GALNT13: variants seen among roughly 807,000 people sequenced by gnomAD.
The protein encoded by GALNT13 is UDP-GalNAc:polypeptide N-acetylgalactosaminyltransferase 13.
GALNT13 carries 28 observed loss-of-function variants against 64.2 expected under a neutral mutation model. That is an observed-to-expected ratio of 0.44 (90% CI 0.32 to 0.60). The LOEUF (loss-of-function observed/expected upper bound fraction) is 0.60. Among genes scored for constraint, GALNT13 ranks in the 20% least tolerant of loss-of-function variants. The pLI, the probability that GALNT13 is intolerant of heterozygous loss-of-function variation, is 0.05. For missense variants in GALNT13, 577 were observed against 669.8 expected (o/e 0.86, Z 1.53); for synonymous variants, 214 against 224.6 (o/e 0.95, Z 0.42).
chr2:153,317,685 TA>T, the GALNT13 span, among the ~76,000 whole-genome samples: 1 of 152,190 alleles, frequency 6.6e-6, no homozygotes, highest in African/African-American at 2.4e-5. Flanking sequence ...AAACTTTCAG[TA>T]AAGTGTGAAT....
the GALNT13 span, among the ~76,000 whole-genome samples, chr2:153,752,542 A>G: frequency 2.0e-5 from 3 of 152,102 alleles, no homozygotes; most frequent in African/African-American, 7.2e-5. Context: ...TTTGTCCTTC[A>G]GCAGTTTAAA....
At chr2:153,992,946 A>G (rs1695258543) in intron 3 of GALNT13, among the ~76,000 whole-genome samples, 1 of 152,170 alleles carries the variant, frequency 6.6e-6, no homozygotes. Flanking sequence ...TTCTTTCATC[A>G]TTAAAACTTT....
chr2:154,086,501 T>G lies in GALNT13; in HGVS notation c.143-53836T>G, dbSNP rs2105427895. On this transcript the variant is annotated intron_variant, in intron 3 of 12. Transcript: ENST00000392825. ...AAGATATAGGTATGGGCAATTTTGA[T>G]TTTACAAACTTCTTCAGGGTTCTGT... Among the ~76,000 whole-genome samples, 2 of 150,656 alleles carry G rather than the reference T, an allele frequency of 1.3e-5. 1 individual carries two copies. The highest frequency in any genetic ancestry group is 4.2e-4 in the South Asian group (2 of 4,782).
chr2:154,384,268 G>A (rs542946689), intron 9 of GALNT13, among the ~76,000 whole-genome samples: 2 of 151,986 alleles, frequency 1.3e-5, no homozygotes, highest in African/African-American at 2.4e-5. Flanking sequence ...GTGGAGCACT[G>A]TTGTCTCAAA....
intron 4 of GALNT13, among the ~76,000 whole-genome samples, chr2:154,180,362 G>T (rs931658023): frequency 6.6e-6 from 1 of 150,706 alleles, no homozygotes; most frequent in African/African-American, 2.4e-5. Context: ...AAACATTTTG[G>T]TAGGTCTTTT....
chr2:153,649,428 T>C, the GALNT13 span, among the ~76,000 whole-genome samples: 1 of 151,626 alleles, frequency 6.6e-6, no homozygotes, highest in African/African-American at 2.4e-5. Flanking sequence ...CCTGGATTCA[T>C]TAATTTTTTG....
intron 3 of GALNT13, among the ~76,000 whole-genome samples, chr2:154,120,341 C>G (rs536896991): frequency 6.6e-6 from 1 of 152,338 alleles, no homozygotes; most frequent in Non-Finnish European, 1.5e-5. Flanking sequence ...TCTTTGCAAT[C>G]TGCAGTTGGG....
chr2:154,147,106 C>A (rs1410698615), intron 4 of GALNT13, among the ~76,000 whole-genome samples: 1 of 151,864 alleles, frequency 6.6e-6, no homozygotes, highest in Non-Finnish European at 1.5e-5. Flanking sequence ...CATTGTTGTG[C>A]AATGAATCTT....
At chr2:153,489,853 G>T in the GALNT13 span, among the ~76,000 whole-genome samples, 1 of 152,094 alleles carries the variant, frequency 6.6e-6, no homozygotes, top group Non-Finnish European at 1.5e-5. Flanking sequence ...TGCATAGTTA[G>T]GTTATGTCAC....
the GALNT13 span, among the ~76,000 whole-genome samples, chr2:153,731,689 T>C: frequency 6.6e-5 from 10 of 152,024 alleles, no homozygotes; most frequent in Admixed American, 2.0e-4. Flanking sequence ...TATTAATTGT[T>C]ATTGCAAAAC....
At chr2:153,533,926 C>T in the GALNT13 span, among the ~76,000 whole-genome samples, 25 of 151,218 alleles carry the variant, frequency 1.7e-4, no homozygotes, top group Non-Finnish European at 3.1e-4. Context: ...TTCTGGAGAA[C>T]GGGGTCTTGC....
the GALNT13 span, among the ~76,000 whole-genome samples, chr2:153,849,950 A>T: frequency 6.8e-6 from 1 of 147,260 alleles, no homozygotes; most frequent in East Asian, 2.0e-4. Context: ...TCACGAGGTC[A>T]TGAGATCGAG....
the GALNT13 span, among the ~76,000 whole-genome samples, chr2:153,350,116 CATACTT>C: frequency 3.3e-5 from 5 of 152,106 alleles, no homozygotes; most frequent in Admixed American, 1.3e-4. Context: ...GTGGCTGTAT[CATACTT>C]ATTTTATTCT....
chr2:153,282,437 A>C, the GALNT13 span, among the ~76,000 whole-genome samples: 1 of 152,168 alleles, frequency 6.6e-6, no homozygotes, highest in Admixed American at 6.5e-5. Flanking sequence ...TAAGGATCAC[A>C]GGGTCTCACT....
At chr2:153,352,311 T>G in the GALNT13 span, among the ~76,000 whole-genome samples, 1 of 152,166 alleles carries the variant, frequency 6.6e-6, no homozygotes, top group Non-Finnish European at 1.5e-5. Flanking sequence ...GTTGTTTGTT[T>G]TCTTATTGTT....
At chr2:153,704,051 T>G in the GALNT13 span, among the ~76,000 whole-genome samples, 2 of 152,170 alleles carry the variant, frequency 1.3e-5, no homozygotes, top group South Asian at 4.1e-4. Flanking sequence ...CAGTATATCT[T>G]GAAAACACCA....
the GALNT13 span, among the ~76,000 whole-genome samples, chr2:153,284,843 A>G: frequency 6.6e-6 from 1 of 152,066 alleles, no homozygotes; most frequent in African/African-American, 2.4e-5. Context: ...TAGCTGAGGC[A>G]TACTAAAAGC....
chr2:153,452,172 T>A, the GALNT13 span, among the ~76,000 whole-genome samples: 1 of 152,210 alleles, frequency 6.6e-6, no homozygotes. Context: ...TCCTTCCAAC[T>A]GATGCTGTGG....
intron 9 of GALNT13, among the ~76,000 whole-genome samples, chr2:154,348,238 C>G (rs1316735284): frequency 3.3e-5 from 5 of 152,138 alleles, no homozygotes; most frequent in Non-Finnish European, 5.9e-5. Flanking sequence ...CCTCAAACTA[C>G]TGTATACGGT....
Sources: gnomAD v4.1 joint callset for allele counts (sites outside exome capture counted in the v4.1 genomes callset) on GRCh38, gnomAD v4.1.1 for gene constraint, MANE v1.5 for transcripts, NCBI Gene and HGNC (gene_info 2026-07-23, HGNC 2026-07-21) for gene names.